Variants in TRIM59 observed in about 807,000 individuals in gnomAD.
TRIM59 encodes the protein tripartite motif-containing protein 59.
In TRIM59, 14 loss-of-function variants were observed where a neutral mutation model predicts 32.2. The observed-to-expected ratio is 0.43, with a 90% confidence interval of 0.29 to 0.68. TRIM59 has a LOEUF of 0.68. TRIM59 is among the 30% of genes least tolerant of loss of function. The pLI is 0.15. For missense variants in TRIM59, 471 were observed against 463.3 expected (o/e 1.02, Z -0.15); for synonymous variants, 163 against 155.1 (o/e 1.05, Z -0.38).
chr3:160,442,114 C>T (rs925368247), intron 2 of TRIM59, among the ~76,000 whole-genome samples: 4 of 152,152 alleles, frequency 2.6e-5, no homozygotes, highest in Admixed American at 6.5e-5. Context: ...GAGCAGTCGA[C>T]GTACATTTAA....
In TRIM59 at chr3:160,437,468, A is replaced by G; in HGVS notation, c.*504T>C. 1.0e-6 allele frequency: 1 copy of G among 984,958 alleles called. No homozygotes were observed. Among genetic ancestry groups the G allele is most frequent in the Non-Finnish European group, 1.2e-6 (1 of 829,490 alleles). The allele number at this position is 984,958 out of a possible 1,614,324, so 61.0% of individuals were successfully genotyped here. On this transcript the variant is annotated 3_prime_UTR_variant, in exon 3 of 3. Coordinates refer to ENST00000309784, the MANE Select transcript of TRIM59 (RefSeq NM_173084.3). ...TCTTAAATCTATCTCAAACACAGGT[A>G]TGTTTGATCAAAAGATCTTTAAGCC...
Position 160,437,160 on chromosome 3 carries a change from T to C in TRIM59, c.*812A>G. On this transcript the variant is annotated 3_prime_UTR_variant, in exon 3 of 3. Transcript: ENST00000309784. ...TGAGCCCAGAAGTTTGAGACCAACC[T>C]GGGCAATATGGCAAAACCTCGTTTC... 1.3e-6 allele frequency: 1 copy of C among 750,882 alleles called. No homozygotes were observed. The allele number at this position is 750,882 out of a possible 1,614,324, so 46.5% of individuals were successfully genotyped here.
In TRIM59 at chr3:160,438,187, CAAT is replaced by C. The variant is rs748829241; in HGVS notation, c.994_996del (p.Ile332del). Reference sequence around the variant, plus strand: ...ATTACTGAAATTAATGTAACTACAACAATGTTTAAAATTTTTAAAAATTCAACT... The same window carrying C: ...ATTACTGAAATTAATGTAACTACAACGTTTAAAATTTTTAAAAATTCAACT... On this transcript the variant is annotated inframe_deletion, in exon 3 of 3. Coordinates refer to ENST00000309784, the MANE Select transcript of TRIM59 (RefSeq NM_173084.3). 4.0e-5 allele frequency: 65 copies of C among 1,612,874 alleles called. No individual in the cohort carries two copies. Among genetic ancestry groups the C allele is most frequent in the African/African-American group, 9.4e-5 (7 of 74,808 alleles).
rs1719728931 is a variant in TRIM59 at position 160,449,780 on chromosome 3, G to A, written c.-137C>T. ...AAACACAGCGCCACGAGCTCCAGGC[G>A]GATGCTGAGAGCCGCCCCGAGTCCC... is the stretch of plus-strand genomic sequence containing the variant. On this transcript the variant is annotated 5_prime_UTR_variant, in exon 1 of 3. Coordinates refer to ENST00000309784, the MANE Select transcript of TRIM59 (RefSeq NM_173084.3). 2.4e-6 allele frequency: 3 copies of A among 1,264,676 alleles called. No individual in the cohort carries two copies. The highest frequency in any genetic ancestry group is 2.1e-6 in the Non-Finnish European group (2 of 966,008). The allele number at this position is 1,264,676 out of a possible 1,614,324, so 78.3% of individuals were successfully genotyped here.
In TRIM59 at chr3:160,437,431, A is replaced by G; in HGVS notation, c.*541T>C. On this transcript the variant is annotated 3_prime_UTR_variant, in exon 3 of 3. Coordinates refer to ENST00000309784, the MANE Select transcript of TRIM59 (RefSeq NM_173084.3). ...GTTTTATTTGGAGTGAATGGTGATAAGCATTTAGGGCTCTTAAATCTATCT... is the reference window on the plus strand; with the variant it reads ...GTTTTATTTGGAGTGAATGGTGATAGGCATTTAGGGCTCTTAAATCTATCT... The G allele has an allele frequency of 1.0e-6, 1 of 985,436 alleles. No homozygotes were observed. The highest frequency in any genetic ancestry group is 1.2e-6 in the Non-Finnish European group (1 of 829,924). The allele number at this position is 985,436 out of a possible 1,614,324, so 61.0% of individuals were successfully genotyped here. A position where few individuals can be genotyped will look rare whatever the true frequency, so the allele number is the denominator to read the frequency against.
Position 160,436,931 on chromosome 3 carries a change from A to C in TRIM59, c.*1041T>G. ...ATGATGCCATCAAAACCTGTTGCAG[A>C]CCAAGTTACCAACATGATTCTGTTC... is the stretch of plus-strand genomic sequence containing the variant. On this transcript the variant is annotated 3_prime_UTR_variant, in exon 3 of 3. Transcript: ENST00000309784. 3.0e-6 allele frequency: 3 copies of C among 985,346 alleles called. No individual in the cohort carries two copies. Among genetic ancestry groups the C allele is most frequent in the African/African-American group, 3.5e-5 (2 of 57,326 alleles). 61.0% of individuals were successfully genotyped at this position (985,346 alleles called of 1,614,324 possible). A position where few individuals can be genotyped will look rare whatever the true frequency, so the allele number is the denominator to read the frequency against.
chr3:160,441,443 C>A (rs1041647775), intron 2 of TRIM59, among the ~76,000 whole-genome samples: 1 of 151,798 alleles, frequency 6.6e-6, no homozygotes, highest in African/African-American at 2.4e-5. Flanking sequence ...AGGTGTAAAA[C>A]GAAAATCTAT....
At chr3:160,449,289 C>T (rs548093480) in intron 1 of TRIM59, among the ~76,000 whole-genome samples, 13 of 152,276 alleles carry the variant, frequency 8.5e-5, no homozygotes, top group African/African-American at 2.9e-4. Context: ...TGGGTAACTG[C>T]ACCTACCTCA....
rs1719726857 is a variant in TRIM59 at position 160,449,748 on chromosome 3, A to G, written c.-105T>C. Reference sequence around the variant, plus strand: ...GAGGAAGCGGACCAGGCAACTCCACAGCACGGAAACACAGCGCCACGAGCT... The same window carrying G: ...GAGGAAGCGGACCAGGCAACTCCACGGCACGGAAACACAGCGCCACGAGCT... On this transcript the variant is annotated 5_prime_UTR_variant, in exon 1 of 3. Coordinates refer to ENST00000309784, the MANE Select transcript of TRIM59 (RefSeq NM_173084.3). 7.8e-7 allele frequency: 1 copy of G among 1,288,866 alleles called. No homozygotes were observed. Among genetic ancestry groups the G allele is most frequent in the South Asian group, 1.2e-5 (1 of 81,014 alleles). The allele number at this position is 1,288,866 out of a possible 1,614,324, so 79.8% of individuals were successfully genotyped here. A position where few individuals can be genotyped will look rare whatever the true frequency, so the allele number is the denominator to read the frequency against.
chr3:160,448,612 C>A (rs1368378003), intron 2 of TRIM59, 114 bp downstream of exon 2: 1 of 570,658 alleles, frequency 1.8e-6, no homozygotes, highest in Non-Finnish European at 2.8e-6. Flanking sequence ...TTTTATACAC[C>A]GCCAACACAA....
In TRIM59 at chr3:160,436,922, C is replaced by T. The variant is rs983426553; in HGVS notation, c.*1050G>A. On this transcript the variant is annotated 3_prime_UTR_variant, in exon 3 of 3. Transcript: ENST00000309784. ...AAAGTCCACATGATGCCATCAAAACCTGTTGCAGACCAAGTTACCAACATG... is the reference window on the plus strand; with the variant it reads ...AAAGTCCACATGATGCCATCAAAACTTGTTGCAGACCAAGTTACCAACATG... The T allele has an allele frequency of 1.0e-5, 10 of 984,546 alleles. No homozygotes were observed. The African/African-American group carries it at 1.8e-4, about 17-fold the overall frequency. The allele number at this position is 984,546 out of a possible 1,614,324, so 61.0% of individuals were successfully genotyped here.
chr3:160,449,618 C>T (rs967577563), intron 1 of TRIM59, 99 bp downstream of exon 1: 1 of 1,289,686 alleles, frequency 7.8e-7, no homozygotes, highest in Admixed American at 2.3e-5. Flanking sequence ...GCCCCCAGGA[C>T]TCCCCGCCCA....
rs745861609 is a variant in TRIM59, at chr3:160,438,984, G to A, written c.200C>T (p.Pro67Leu). 3.1e-6 allele frequency: 5 copies of A among 1,613,872 alleles called. No homozygotes were observed. Among genetic ancestry groups the A allele is most frequent in the Non-Finnish European group, 4.2e-6 (5 of 1,179,974 alleles). Residue 67 changes from proline to leucine, a missense_variant, in exon 3 of 3, where the codon CCA (proline) becomes CTA (leucine). Transcript: ENST00000309784. ...AACAGGTAAAGATTCAATGCCAGTT[G>A]GAGCAATTTCAGTAATACTTCTGCA... is the stretch of plus-strand genomic sequence containing the variant. ...PNCRSITEIA[P>L]TGIESLPVNF...
Position 160,436,193 on chromosome 3 carries a change from AT to A in TRIM59, c.*1778del, listed in dbSNP as rs1477815936. ...TACAGTCATCTTAGTGTTAAGACTTATTCTCAGCAGGTAAGAGTTTTAGAAC... is the reference window on the plus strand; with the variant it reads ...TACAGTCATCTTAGTGTTAAGACTTATCTCAGCAGGTAAGAGTTTTAGAAC... On this transcript the variant is annotated 3_prime_UTR_variant, in exon 3 of 3. Transcript: ENST00000309784. 9.9e-7 allele frequency: 1 copy of A among 1,006,014 alleles called. No individual in the cohort carries two copies. The highest frequency in any genetic ancestry group is 1.8e-5 in the African/African-American group (1 of 55,768). The allele number at this position is 1,006,014 out of a possible 1,614,324, so 62.3% of individuals were successfully genotyped here.
Position 160,435,830 on chromosome 3 carries a change from G to C in TRIM59, c.*2142C>G. ...TGAGTGATAGCATGAACTCTGAAAAGAGAATGCATGGGTTTTCTCACAGCT... is the reference window on the plus strand; with the variant it reads ...TGAGTGATAGCATGAACTCTGAAAACAGAATGCATGGGTTTTCTCACAGCT... On this transcript the variant is annotated 3_prime_UTR_variant, in exon 3 of 3. Transcript: ENST00000309784. The C allele has an allele frequency of 7.8e-6, 5 of 644,548 alleles. No individual in the cohort carries two copies. Among genetic ancestry groups the C allele is most frequent in the Non-Finnish European group, 1.2e-5 (5 of 401,892 alleles). The allele number at this position is 644,548 out of a possible 1,614,324, so 39.9% of individuals were successfully genotyped here. A position where few individuals can be genotyped will look rare whatever the true frequency, so the allele number is the denominator to read the frequency against.
Position 160,437,186 on chromosome 3 carries a change from TA to T in TRIM59, c.*785del. 1 of 655,796 alleles carries T rather than the reference TA, an allele frequency of 1.5e-6. No homozygotes were observed. Among genetic ancestry groups the T allele is most frequent in the Admixed American group, 6.3e-5 (1 of 15,876 alleles). 40.6% of individuals were successfully genotyped at this position (655,796 alleles called of 1,614,324 possible). Reference sequence around the variant, plus strand: ...GGGCAATATGGCAAAACCTCGTTTCTACAAAAAACAATTTTTTTAATTAGCC... The same window carrying T: ...GGGCAATATGGCAAAACCTCGTTTCTCAAAAAACAATTTTTTTAATTAGCC... On this transcript the variant is annotated 3_prime_UTR_variant, in exon 3 of 3. Transcript: ENST00000309784.
intron 2 of TRIM59, among the ~76,000 whole-genome samples, chr3:160,445,565 G>C (rs1187692996): frequency 1.3e-5 from 2 of 152,092 alleles, no homozygotes; most frequent in Non-Finnish European, 2.9e-5. Context: ...CCTGAAGTCA[G>C]GAGTTCAAGA....
intron 2 of TRIM59, among the ~76,000 whole-genome samples, chr3:160,440,424 T>C (rs1364581605): frequency 1.3e-5 from 2 of 152,184 alleles, no homozygotes; most frequent in Admixed American, 1.3e-4. Context: ...CACAAGTAAC[T>C]TGACCTCTTG....
In TRIM59 at chr3:160,437,848, A is replaced by G; in HGVS notation, c.*124T>C. 1 of 1,306,114 alleles carries G rather than the reference A, an allele frequency of 7.7e-7. No individual in the cohort carries two copies. The highest frequency in any genetic ancestry group is 1.5e-5 in the African/African-American group (1 of 65,754). The allele number at this position is 1,306,114 out of a possible 1,614,324, so 80.9% of individuals were successfully genotyped here. ...TTGCTAACCAAAAGAAGCAACAAAT[A>G]TAAACATTTGTTTATATTAGTTGCA... is the stretch of plus-strand genomic sequence containing the variant. On this transcript the variant is annotated 3_prime_UTR_variant, in exon 3 of 3. Transcript: ENST00000309784.
Sources: gnomAD v4.1 joint callset for allele counts (sites outside exome capture counted in the v4.1 genomes callset) on GRCh38, gnomAD v4.1.1 for gene constraint, MANE v1.5 for transcripts, NCBI Gene and HGNC (gene_info 2026-07-23, HGNC 2026-07-21) for gene names.